MCTP2: variants seen among roughly 807,000 people sequenced by gnomAD.
MCTP2 encodes multiple C2 and transmembrane domain-containing protein 2.
MCTP2 carries 132 observed loss-of-function variants against 111.6 expected under a neutral mutation model. That is an observed-to-expected ratio of 1.18 (90% confidence interval 1.03 to 1.37). The LOEUF (loss-of-function observed/expected upper bound fraction) is 1.37, where lower values mean the gene tolerates loss of function less well. Ranked by LOEUF, MCTP2 falls within the 40% of genes most tolerant of loss-of-function variation. MCTP2 has a pLI of 0.00. For synonymous variants in MCTP2, 395 were observed against 387.7 expected, an observed-to-expected ratio of 1.02 and a Z score of -0.22; for missense variants, 1,183 against 1,067.9, an observed-to-expected ratio of 1.11 and a Z score of -1.50.
intron 7 of MCTP2, chr15:94,343,322 T>G (rs1239852733): frequency 6.6e-6 from 1 of 152,138 alleles, no homozygotes; most frequent in African/African-American, 2.4e-5. Context: ...TAACTAGCAC[T>G]TGGGACTGGA....
chr15:94,376,028 G>C (rs2079753478), intron 12 of MCTP2, among the ~76,000 whole-genome samples: 1 of 152,158 alleles, frequency 6.6e-6, no homozygotes, highest in South Asian at 2.1e-4. Flanking sequence ...TAGGGAGCTT[G>C]TGATCCCTAA....
chr15:94,405,021 C>A (rs190059005), intron 17 of MCTP2, among the ~76,000 whole-genome samples: 1 of 152,166 alleles, frequency 6.6e-6, no homozygotes, highest in African/African-American at 2.4e-5. Flanking sequence ...AGAACAGAGG[C>A]GCTGTCTGAA....
intron 1 of MCTP2, chr15:94,273,557 C>A: frequency 5.0e-6 from 1 of 199,852 alleles, no homozygotes; most frequent in Non-Finnish European, 1.1e-5. Context: ...CACTTCAATG[C>A]CCCCTCGCAG....
intron 1 of MCTP2, 45 bp from the exon 2 acceptor site, chr15:94,298,156 T>G (rs1596295599): frequency 1.2e-6 from 1 of 843,014 alleles, no homozygotes. Flanking sequence ...TTCATGTTTT[T>G]TTTTTTTGTT....
chr15:94,314,480 AGGCCT>A, intron 3 of MCTP2, 136 bp downstream of exon 3: 1 of 664,674 alleles, frequency 1.5e-6, no homozygotes, highest in Admixed American at 3.0e-5. Flanking sequence ...TTACAAAACC[AGGCCT>A]TGCAAATTTT....
chr15:94,245,904 A>G (rs567544519), intron 1 of MCTP2, among the ~76,000 whole-genome samples: 1 of 151,998 alleles, frequency 6.6e-6, no homozygotes, highest in African/African-American at 2.4e-5. Flanking sequence ...AATGTTTTCT[A>G]GTTTCAAAAA....
chr15:94,387,569 G>C (rs907595742), intron 14 of MCTP2, among the ~76,000 whole-genome samples: 1 of 152,210 alleles, frequency 6.6e-6, no homozygotes, highest in Non-Finnish European at 1.5e-5. Flanking sequence ...CTTATGATCT[G>C]TTGTTCATTC....
At position 94,482,268 on chromosome 15, in the gene MCTP2, G is replaced by C. The variant is rs994104004; in HGVS notation, c.*3234G>C. 1 of 152,186 alleles carries C rather than the reference G, an allele frequency of 6.6e-6. No individual in the cohort carries two copies. Among genetic ancestry groups the C allele is most frequent in the African/African-American group, 2.4e-5 (1 of 41,434 alleles). The allele number at this position is 152,186 out of a possible 1,614,324, so 9.4% of individuals were successfully genotyped here. A position where few individuals can be genotyped will look rare whatever the true frequency, so the allele number is the denominator to read the frequency against. ...AATGGATAGCCTAGCAATTTTCAAAGTTTAGAGAAGTTATTAATATTAGCC... is the reference window on the plus strand; with the variant it reads ...AATGGATAGCCTAGCAATTTTCAAACTTTAGAGAAGTTATTAATATTAGCC... On this transcript the variant is annotated 3_prime_UTR_variant, in exon 23 of 23. Coordinates refer to ENST00000357742, the MANE Select transcript of MCTP2 (RefSeq NM_001385001.1).
chr15:94,359,449 C>T (rs1312495589), intron 10 of MCTP2, among the ~76,000 whole-genome samples: 6 of 152,140 alleles, frequency 3.9e-5, no homozygotes, highest in Admixed American at 2.6e-4. Flanking sequence ...TAAATTTAAA[C>T]ACAGATGTTG....
At chr15:94,332,949 G>T (rs1475512441) in intron 4 of MCTP2, among the ~76,000 whole-genome samples, 1 of 152,116 alleles carries the variant, frequency 6.6e-6, no homozygotes, top group African/African-American at 2.4e-5. Flanking sequence ...TTATGGGCTG[G>T]GTGTGGTTTT....
intron 21 of MCTP2, among the ~76,000 whole-genome samples, chr15:94,473,043 A>G (rs1283764405): frequency 1.3e-5 from 2 of 148,430 alleles, no homozygotes; most frequent in Non-Finnish European, 3.0e-5. Flanking sequence ...ATAATATCCT[A>G]AAATGTTTTG....
chr15:94,392,835 AAAC>A (rs1052017097), intron 14 of MCTP2, among the ~76,000 whole-genome samples: 55 of 151,534 alleles, frequency 3.6e-4, no homozygotes, highest in African/African-American at 1.2e-3. Flanking sequence ...ACAAACAAAC[AAAC>A]AAAAAAAAAC....
rs141940342 is a variant in MCTP2 at position 94,410,543 on chromosome 15, A to T, written c.2085+8524A>T. On this transcript the variant is annotated intron_variant, in intron 17 of 22. Coordinates refer to ENST00000357742, the MANE Select transcript of MCTP2 (RefSeq NM_001385001.1). The stretch of plus-strand genomic sequence containing the variant: ...CAACAGAGTGAGACCCCGTCTCAAA[A>T]AAAGAAAAAAAAAAAGAAGAGGTAT... Among the ~76,000 whole-genome samples the T allele has an allele frequency of 9.2e-3, 1,396 of 152,306 alleles. 15 individuals are homozygous for T. The highest frequency in any genetic ancestry group is 0.029 in the African/African-American group (1,218 of 41,546).
chr15:94,368,411 A>C (rs370638972), intron 11 of MCTP2, among the ~76,000 whole-genome samples: 1 of 152,138 alleles, frequency 6.6e-6, no homozygotes, highest in Non-Finnish European at 1.5e-5. Context: ...CTTTATTTGC[A>C]TTCTGCTTTT....
intron 17 of MCTP2, among the ~76,000 whole-genome samples, chr15:94,422,426 A>G (rs2082670193): frequency 6.6e-6 from 1 of 152,176 alleles, no homozygotes; most frequent in South Asian, 2.1e-4. Context: ...TACATTTTGA[A>G]AGCAAGTAAA....
intron 4 of MCTP2, among the ~76,000 whole-genome samples, chr15:94,331,878 T>C (rs1446557283): frequency 1.3e-5 from 2 of 152,078 alleles, no homozygotes; most frequent in African/African-American, 2.4e-5. Flanking sequence ...TGGCAAAACA[T>C]GGACAGGAAG....
At chr15:94,251,821 C>G (rs1458567038) in intron 1 of MCTP2, among the ~76,000 whole-genome samples, 1 of 152,162 alleles carries the variant, frequency 6.6e-6, no homozygotes, top group Non-Finnish European at 1.5e-5. Context: ...TGACAGCCAT[C>G]ATTCTACTTT....
chr15:94,268,730 C>G (rs915786145), intron 1 of MCTP2, among the ~76,000 whole-genome samples: 1 of 151,522 alleles, frequency 6.6e-6, no homozygotes, highest in Non-Finnish European at 1.5e-5. Context: ...AGGTTTTGTG[C>G]CACTCTTATA....
chr15:94,462,146 A>G (rs1382681101), intron 20 of MCTP2, among the ~76,000 whole-genome samples: 1 of 152,216 alleles, frequency 6.6e-6, no homozygotes, highest in Non-Finnish European at 1.5e-5. Flanking sequence ...ACACAAGGTC[A>G]GTGCAGTGGG....
Sources: allele counts gnomAD v4.1 joint callset (sites outside exome capture counted in the v4.1 genomes callset), GRCh38; gene constraint gnomAD v4.1.1; transcripts MANE v1.5; gene names NCBI Gene and HGNC (gene_info 2026-07-23, HGNC 2026-07-21).